MYH8: variants seen among roughly 807,000 people sequenced by gnomAD.
MYH8 encodes myosin-8.
In MYH8, 168 loss-of-function variants were observed where a neutral mutation model predicts 233.2. The observed-to-expected ratio is 0.72, with a 90% CI of 0.64 to 0.82. The LOEUF (loss-of-function observed/expected upper bound fraction) is 0.82, where lower values mean the gene tolerates loss of function less well. MYH8 is among the 40% of genes least tolerant of loss of function. MYH8 has a pLI of 0.00. For missense variants in MYH8, 1,995 were observed against 2,327.8 expected, an observed-to-expected ratio of 0.86 and a Z score of 2.94; for synonymous variants, 785 against 850.6, an observed-to-expected ratio of 0.92 and a Z score of 1.34.
chr17:10,410,975 A>G (rs2072239060), intron 14 of MYH8, 28 bp from the exon 15 acceptor site: 5 of 1,613,986 alleles, frequency 3.1e-6, no homozygotes, highest in Non-Finnish European at 4.2e-6. Flanking sequence ...GATTTCCAAC[A>G]TCAAATGAGT....
chr17:10,398,270 T>C (rs2072097250), intron 30 of MYH8, among the ~76,000 whole-genome samples, 174 bp downstream of exon 30: 1 of 152,204 alleles, frequency 6.6e-6, no homozygotes, highest in African/African-American at 2.4e-5. Context: ...ATGATACCAA[T>C]ATAATATTGT....
intron 5 of MYH8, among the ~76,000 whole-genome samples, chr17:10,416,296 T>G (rs1250152065): frequency 6.6e-6 from 1 of 152,206 alleles, no homozygotes; most frequent in Non-Finnish European, 1.5e-5. Flanking sequence ...TTCCTTCCTT[T>G]TAAAGGCAGG....
At chr17:10,401,817 C>T in intron 22 of MYH8, 32 bp from the exon 23 acceptor site, 1 of 1,613,650 alleles carries the variant, frequency 6.2e-7, no homozygotes, top group East Asian at 2.2e-5. Context: ...TACTTAGAGT[C>T]TGTTACTTAT....
rs781182860 is a variant in MYH8 at position 10,404,446 on chromosome 17, C to A, written c.2572G>T (p.Glu858Ter). The change falls in exon 22 of 40, where the codon GAA becomes TAA. Residue 858 changes from glutamate (E) to a stop codon, truncating the protein, a stop_gained. Coordinates refer to ENST00000403437, the MANE Select transcript of MYH8 (RefSeq NM_002472.3). LOFTEE classifies it high-confidence loss of function. ...TEKEMATMKE[E>*]FQKTKDELAK... Reference sequence around the variant, plus strand: ...AGTTCATCTTTGGTTTTCTGGAATTCTTCCTTCATGGTGGCCATCTCTTTC... The same window carrying A: ...AGTTCATCTTTGGTTTTCTGGAATTATTCCTTCATGGTGGCCATCTCTTTC... The A allele has an allele frequency of 2.2e-5, 36 of 1,613,748 alleles. No homozygotes were observed. In the South Asian group the frequency reaches 3.6e-4, roughly 16 times the overall value.
intron 12 of MYH8, 95 bp downstream of exon 12, chr17:10,413,807 C>CACAA: frequency 6.3e-7 from 1 of 1,584,784 alleles, no homozygotes; most frequent in Non-Finnish European, 8.6e-7. Context: ...CTTCACAAGT[C>CACAA]GCAAGTCCAG....
intron 21 of MYH8, 33 bp downstream of exon 21, chr17:10,406,008 C>A: frequency 6.2e-7 from 1 of 1,610,758 alleles, no homozygotes; most frequent in Non-Finnish European, 8.5e-7. Flanking sequence ...CCTTAAGGGA[C>A]CTTATAATTC....
In MYH8 at chr17:10,414,422, A is replaced by G. The variant is rs773262066; in HGVS notation, c.868T>C (p.Tyr290His). 1 of 1,613,420 alleles carries G rather than the reference A, an allele frequency of 6.2e-7. No individual in the cohort carries two copies. The change falls in exon 10 of 40, where the codon TAT (tyrosine) becomes CAT (histidine). Residue 290 changes from tyrosine to histidine, a missense_variant. Tyr to His is a moderately conservative substitution (Grantham distance 83). Coordinates refer to ENST00000403437, the MANE Select transcript of MYH8 (RefSeq NM_002472.3). ...LKAERSYHIF[Y>H]QITSNKKPDL... ...GGCTTCTTATTGGAAGTGATCTGAT[A>G]AAAAATATGGTAGCTTCTTTCCGCC... is the stretch of plus-strand genomic sequence containing the variant.
intron 28 of MYH8, among the ~76,000 whole-genome samples, 186 bp downstream of exon 28, chr17:10,399,357 A>G (rs1316331224): frequency 6.6e-6 from 1 of 152,120 alleles, no homozygotes; most frequent in Non-Finnish European, 1.5e-5. Flanking sequence ...TAAAAGCAGC[A>G]TTGCCATAGA....
At chr17:10,401,230 T>C in intron 24 of MYH8, 39 bp from the exon 25 acceptor site, 1 of 1,613,330 alleles carries the variant, frequency 6.2e-7, no homozygotes, top group East Asian at 2.2e-5. Flanking sequence ...TGAAAGTATA[T>C]ATTTTTAAAA....
Position 10,415,758 on chromosome 17 carries a change from A to G in MYH8, c.512-50T>C. On this transcript the variant is annotated intron_variant, in intron 5 of 39. Transcript: ENST00000403437. The surrounding 1 kb of genome is among the most constrained non-coding windows in gnomAD (Gnocchi z 4.1). ...GTTAAAAAATGCATATTTAATATGA[A>G]GAGTATTGAATCAGTTCAGATCAAA... 1.3e-6 allele frequency: 2 copies of G among 1,557,018 alleles called. No individual in the cohort carries two copies. Among genetic ancestry groups the G allele is most frequent in the Non-Finnish European group, 1.8e-6 (2 of 1,136,658 alleles).
Position 10,399,932 on chromosome 17 carries a change from G to A in MYH8, c.3736-263C>T, listed in dbSNP as rs28653529. ...GAAATCATCTTAATAGGCCGGGCGC[G>A]GTGGCTCATGCCTGTAATCCCAGCA... On this transcript the variant is annotated intron_variant, in intron 27 of 39. Transcript: ENST00000403437. Among the ~76,000 whole-genome samples, 1,328 of 152,270 alleles carry A rather than the reference G, an allele frequency of 8.7e-3. 18 individuals carry two copies. The highest frequency in any genetic ancestry group is 0.031 in the African/African-American group (1,277 of 41,544).
rs1449475117 is a variant in MYH8 at position 10,391,866 on chromosome 17, G to A, written c.5664+16C>T. On this transcript the variant is annotated intron_variant, in intron 39 of 39. Transcript: ENST00000403437. ...AAGAAATTTCCTTCTTTCCTCAAGG[G>A]CTTAAAGATACTTACAGCCTCCTCA... The A allele has an allele frequency of 1.2e-6, 2 of 1,600,456 alleles. No homozygotes were observed. Among genetic ancestry groups the A allele is most frequent in the Non-Finnish European group, 1.7e-6 (2 of 1,167,852 alleles).
Position 10,419,936 on chromosome 17 carries a change from C to T in MYH8, c.210+82G>A. 3 of 1,460,482 alleles carry T rather than the reference C, an allele frequency of 2.1e-6. No homozygotes were observed. Among genetic ancestry groups the T allele is most frequent in the South Asian group, 1.1e-5 (1 of 87,432 alleles). 90.5% of individuals were successfully genotyped at this position (1,460,482 alleles called of 1,614,324 possible). ...GAAGGGTGTTTGCATTGGCAACAGG[C>T]TTGGAGATTCCCAGTAAGTTAGGCT... On this transcript the variant is annotated intron_variant, in intron 3 of 39. Transcript: ENST00000403437. The surrounding 1 kb of genome is among the most constrained non-coding windows in gnomAD (Gnocchi z 4.0).
chr17:10,400,833 T>A lies in MYH8; in HGVS notation c.3345+36A>T, dbSNP rs78250646. On this transcript the variant is annotated intron_variant, in intron 26 of 39. Transcript: ENST00000403437. This position sits in a 1 kb window ranked among gnomAD's most constrained non-coding sequence, Gnocchi z 4.0. ...AACTCATCTCAACTTCAGTGTTTTTTTGGTGTGCAGAAAAAATAGAGGTGA... is the reference window on the plus strand; with the variant it reads ...AACTCATCTCAACTTCAGTGTTTTTATGGTGTGCAGAAAAAATAGAGGTGA... 1 of 1,613,876 alleles carries A rather than the reference T, an allele frequency of 6.2e-7. No individual in the cohort carries two copies. The highest frequency in any genetic ancestry group is 1.3e-5 in the African/African-American group (1 of 75,018).
At chr17:10,410,302 C>CAATAAATA (rs550982621) in intron 15 of MYH8, among the ~76,000 whole-genome samples, 5 of 151,894 alleles carry the variant, frequency 3.3e-5, no homozygotes, top group East Asian at 1.9e-4. Context: ...GGCCCTGTCT[C>CAATAAATA]AATAAATAAA....
At position 10,415,609 on chromosome 17, in the gene MYH8, A is replaced by G. The variant is rs752521807; in HGVS notation, c.540-29T>C. On this transcript the variant is annotated intron_variant, in intron 6 of 39. Transcript: ENST00000403437. The surrounding 1 kb of genome is among the most constrained non-coding windows in gnomAD (Gnocchi z 4.1). Reference sequence around the variant, plus strand: ...TCAAACAGAAATCAGAGAAGAGATCAGAGAACTATGGCCTGCATTGTCAAC... The same window carrying G: ...TCAAACAGAAATCAGAGAAGAGATCGGAGAACTATGGCCTGCATTGTCAAC... 6 of 1,613,914 alleles carry G rather than the reference A, an allele frequency of 3.7e-6. No individual in the cohort carries two copies. The highest frequency in any genetic ancestry group is 4.2e-6 in the Non-Finnish European group (5 of 1,179,758).
At chr17:10,413,111 A>T (rs1445467039) in intron 12 of MYH8, among the ~76,000 whole-genome samples, 1 of 152,234 alleles carries the variant, frequency 6.6e-6, no homozygotes, top group African/African-American at 2.4e-5. Context: ...TTTGATTCTT[A>T]TCTTAGTTTT....
intron 22 of MYH8, among the ~76,000 whole-genome samples, chr17:10,402,675 G>A (rs2072154815): frequency 6.6e-6 from 1 of 151,780 alleles, no homozygotes; most frequent in South Asian, 2.1e-4. Flanking sequence ...AAAGTAAATG[G>A]CAGATATCAT....
chr17:10,400,915 T>G lies in MYH8; in HGVS notation c.3299A>C (p.Glu1100Ala). 1 of 1,613,832 alleles carries G rather than the reference T, an allele frequency of 6.2e-7. No individual in the cohort carries two copies. The highest frequency in any genetic ancestry group is 8.5e-7 in the Non-Finnish European group (1 of 1,180,042). The change falls in exon 26 of 40, where the codon GAG becomes GCG. Residue 1100 changes from glutamate to alanine, a missense_variant. Coordinates refer to ENST00000403437, the MANE Select transcript of MYH8 (RefSeq NM_002472.3). This position sits in a 1 kb window ranked among gnomAD's most constrained non-coding sequence, Gnocchi z 4.0. Reference sequence around the variant, plus strand: ...CTGTAGTTGAATTTCTACAGCTTGCTCATCTTCAATTTTGCTTATCAAATT... The same window carrying G: ...CTGTAGTTGAATTTCTACAGCTTGCGCATCTTCAATTTTGCTTATCAAATT... Reference protein sequence around the residue: ...ISNLISKIEDEQAVEIQLQKK... With the variant: ...ISNLISKIEDAQAVEIQLQKK...
Sources: allele counts gnomAD v4.1 joint callset (sites outside exome capture counted in the v4.1 genomes callset), GRCh38; gene constraint gnomAD v4.1.1; non-coding constraint Gnocchi (gnomAD v3.1); transcripts MANE v1.5; gene names NCBI Gene and HGNC (gene_info 2026-07-23, HGNC 2026-07-21).